EDIL3: variants seen among roughly 807,000 people sequenced by gnomAD.
EDIL3 encodes the protein EGF-like repeat and discoidin I-like domain-containing protein 3.
Under a neutral mutation model 67.4 loss-of-function variants are expected in EDIL3, and 37 were observed. The ratio of observed to expected loss-of-function variants is 0.55; its 90% CI spans 0.42 to 0.72. EDIL3 has a LOEUF of 0.72. Ranked by LOEUF, EDIL3 falls within the 30% of genes least tolerant of loss-of-function variation. The pLI is 0.00. For missense variants in EDIL3, 527 were observed against 586.3 expected (o/e 0.90, Z 1.04); for synonymous variants, 195 against 196.3 (o/e 0.99, Z 0.05).
At chr5:84,229,798 C>G in intron 3 of EDIL3, 57 bp downstream of exon 3, 2 of 1,525,168 alleles carry the variant, frequency 1.3e-6, no homozygotes, top group Admixed American at 3.9e-5. Flanking sequence ...GGTTGACTCT[C>G]TATTATTAAA....
chr5:84,207,524 C>T (rs374358088), intron 3 of EDIL3, among the ~76,000 whole-genome samples: 11 of 151,890 alleles, frequency 7.2e-5, no homozygotes, highest in African/African-American at 2.2e-4. Flanking sequence ...AATGACTTTC[C>T]TCACAGAATT....
At chr5:84,077,663 C>A (rs114205790) in intron 6 of EDIL3, among the ~76,000 whole-genome samples, 10 of 152,056 alleles carry the variant, frequency 6.6e-5, no homozygotes, top group Admixed American at 5.9e-4. Flanking sequence ...TACCTCCCAC[C>A]GGGACCCTCC....
chr5:83,991,624 TAGTA>T (rs1258425527), intron 9 of EDIL3, among the ~76,000 whole-genome samples: 3 of 152,138 alleles, frequency 2.0e-5, no homozygotes, highest in Non-Finnish European at 4.4e-5. Context: ...ATAGAGAACA[TAGTA>T]AGTATCGTGG....
At chr5:83,965,232 A>C (rs1213093592) in intron 9 of EDIL3, among the ~76,000 whole-genome samples, 1 of 152,076 alleles carries the variant, frequency 6.6e-6, no homozygotes, top group Non-Finnish European at 1.5e-5. Flanking sequence ...GCATCACCAC[A>C]CTCGTCAAAC....
At chr5:83,953,777 T>C (rs1167287287) in intron 10 of EDIL3, among the ~76,000 whole-genome samples, 1 of 151,808 alleles carries the variant, frequency 6.6e-6, no homozygotes, top group Non-Finnish European at 1.5e-5. Flanking sequence ...TCTCAAATTA[T>C]GCCAGAAGTT....
At chr5:84,352,181 T>C (rs370693535) in intron 1 of EDIL3, among the ~76,000 whole-genome samples, 20 of 152,124 alleles carry the variant, frequency 1.3e-4, no homozygotes, top group Non-Finnish European at 1.5e-4. Flanking sequence ...TTCTTATACA[T>C]TGGTGAAATG....
At chr5:84,295,888 G>A (rs1746042981) in intron 1 of EDIL3, among the ~76,000 whole-genome samples, 1 of 152,080 alleles carries the variant, frequency 6.6e-6, no homozygotes, top group Non-Finnish European at 1.5e-5. Context: ...CATATAGGAA[G>A]GAAATTATAG....
intron 9 of EDIL3, among the ~76,000 whole-genome samples, chr5:83,966,811 G>C (rs554547841): frequency 6.6e-6 from 1 of 152,160 alleles, no homozygotes; most frequent in East Asian, 1.9e-4. Context: ...TAAGAAATCT[G>C]AGGGAAAAAT....
chr5:84,096,049 C>T (rs1747256821), intron 6 of EDIL3, among the ~76,000 whole-genome samples: 1 of 152,182 alleles, frequency 6.6e-6, no homozygotes, highest in Non-Finnish European at 1.5e-5. Flanking sequence ...GCCTAGATTT[C>T]AGAAGATGTA....
intron 4 of EDIL3, among the ~76,000 whole-genome samples, chr5:84,158,351 T>C (rs1410791733): frequency 6.6e-6 from 1 of 151,970 alleles, no homozygotes. Flanking sequence ...TTAAAGTAAA[T>C]ACTGAGAAAA....
At chr5:84,124,980 TATTATTA>T (rs1244957694) in intron 5 of EDIL3, among the ~76,000 whole-genome samples, 1 of 152,044 alleles carries the variant, frequency 6.6e-6, no homozygotes, top group African/African-American at 2.4e-5. Context: ...TTGAACTACT[TATTATTA>T]ATTAATATGA....
At position 84,213,699 on chromosome 5, in the gene EDIL3, GT is replaced by G. The variant is rs1744173930; in HGVS notation, c.226+16155del. Among the ~76,000 whole-genome samples the G allele has an allele frequency of 2.0e-5, 3 of 152,222 alleles. No individual in the cohort carries two copies. In the East Asian group the frequency reaches 5.8e-4, roughly 29 times the overall value. On this transcript the variant is annotated intron_variant, in intron 3 of 10. Transcript: ENST00000296591. Reference sequence around the variant, plus strand: ...ATCTAAATCTTGTTGAATTCTAGCAGTTGAAGATCTGCTTCAAATAAATATA... The same window carrying G: ...ATCTAAATCTTGTTGAATTCTAGCAGTGAAGATCTGCTTCAAATAAATATA...
intron 10 of EDIL3, among the ~76,000 whole-genome samples, chr5:83,949,992 C>T (rs549423158): frequency 1.3e-5 from 2 of 151,890 alleles, no homozygotes; most frequent in Non-Finnish European, 2.9e-5. Flanking sequence ...AGATGGTCAA[C>T]CATGTCTAAA....
intron 9 of EDIL3, among the ~76,000 whole-genome samples, chr5:84,037,408 C>T (rs1660924537): frequency 6.6e-6 from 1 of 152,116 alleles, no homozygotes; most frequent in South Asian, 2.1e-4. Flanking sequence ...ATTGCTTCTA[C>T]TTTATTTTGG....
At chr5:84,353,826 T>A (rs1481760756) in intron 1 of EDIL3, among the ~76,000 whole-genome samples, 1 of 152,186 alleles carries the variant, frequency 6.6e-6, no homozygotes, top group Non-Finnish European at 1.5e-5. Context: ...CCTATTGTTG[T>A]GGATTAACAT....
At chr5:84,131,311 A>C (rs1747962993) in intron 5 of EDIL3, among the ~76,000 whole-genome samples, 2 of 152,170 alleles carry the variant, frequency 1.3e-5, no homozygotes, top group Admixed American at 1.3e-4. Context: ...GGGGCAATGT[A>C]CTTGTCAGGA....
Position 84,254,231 on chromosome 5 carries a change from C to T in EDIL3, c.68-19G>A. ...ATATCACCTAAGGCATAAAAAAAAACCGAAATTGACATTTTTTTTTTGTCT... is the reference window on the plus strand; with the variant it reads ...ATATCACCTAAGGCATAAAAAAAAATCGAAATTGACATTTTTTTTTTGTCT... On this transcript the variant is annotated intron_variant, in intron 1 of 10. Transcript: ENST00000296591. 1.3e-6 allele frequency: 2 copies of T among 1,590,296 alleles called. No homozygotes were observed. The highest frequency in any genetic ancestry group is 1.2e-5 in the South Asian group (1 of 86,288).
intron 4 of EDIL3, among the ~76,000 whole-genome samples, chr5:84,160,503 A>G (rs1204128970): frequency 6.6e-6 from 1 of 152,098 alleles, no homozygotes; most frequent in Admixed American, 6.6e-5. Context: ...CTGGAATATT[A>G]ACGACATTAA....
chr5:84,119,664 C>G (rs1747736505), intron 5 of EDIL3, among the ~76,000 whole-genome samples: 1 of 151,992 alleles, frequency 6.6e-6, no homozygotes, highest in African/African-American at 2.4e-5. Context: ...TTTGATAAAT[C>G]AGATTACAAT....
Sources: allele counts gnomAD v4.1 joint callset (sites outside exome capture counted in the v4.1 genomes callset), GRCh38; gene constraint gnomAD v4.1.1; transcripts MANE v1.5; gene names NCBI Gene and HGNC (gene_info 2026-07-23, HGNC 2026-07-21).